Variants in CACNA1C observed in about 807,000 individuals in gnomAD.
The protein encoded by CACNA1C is voltage-dependent L-type calcium channel subunit alpha-1C.
CACNA1C carries 30 observed loss-of-function variants against 229.0 expected under a neutral mutation model. That is an observed-to-expected ratio of 0.13 (90% CI 0.10 to 0.18). The LOEUF is 0.18. Among genes scored for constraint, CACNA1C ranks in the 10% least tolerant of loss-of-function variants. The pLI, the probability that CACNA1C is intolerant of heterozygous loss-of-function variation, is 1.00. For synonymous variants in CACNA1C, 1,114 were observed against 1,132.5 expected (o/e 0.98, Z 0.33); for missense variants, 1,658 against 2,845.0 (o/e 0.58, Z 9.49).
intron 10 of CACNA1C, among the ~76,000 whole-genome samples, chr12:2,554,425 G>A (rs1298419964): frequency 6.6e-6 from 1 of 152,170 alleles, no homozygotes; most frequent in Non-Finnish European, 1.5e-5. Context: ...GTGCCTCATT[G>A]GAACAACAAC....
chr12:2,494,814 G>A (rs775536884), intron 7 of CACNA1C, among the ~76,000 whole-genome samples: 13 of 152,204 alleles, frequency 8.5e-5, no homozygotes, highest in Non-Finnish European at 1.5e-4. Context: ...CCCCAGTGTT[G>A]CTATGACATG....
intron 3 of CACNA1C, among the ~76,000 whole-genome samples, chr12:2,379,031 T>G (rs2098160384): frequency 2.0e-5 from 3 of 152,228 alleles, no homozygotes. Flanking sequence ...TACTGTTTTC[T>G]TTTTGTTGTT....
chr12:2,126,194 A>G (rs967294032), intron 3 of CACNA1C, among the ~76,000 whole-genome samples: 1 of 152,184 alleles, frequency 6.6e-6, no homozygotes, highest in Non-Finnish European at 1.5e-5. Flanking sequence ...TCTAACATAC[A>G]CTTTTGCACC....
chr12:2,160,807 C>A lies in CACNA1C; in HGVS notation c.477+40377C>A, dbSNP rs191761395. ...AGAGTATCGATTTGGTATGGTAGCT[C>A]TGGTTATTTTTTATTTTATTATTAT... On this transcript the variant is annotated intron_variant, in intron 3 of 46. Coordinates refer to ENST00000399655, the MANE Select transcript of CACNA1C (RefSeq NM_000719.7). Among the ~76,000 whole-genome samples, 395 of 152,218 alleles carry A rather than the reference C, an allele frequency of 2.6e-3. 2 individuals carry two copies. The highest frequency in any genetic ancestry group is 8.4e-3 in the African/African-American group (349 of 41,530).
chr12:2,662,755 T>G (rs112303855), intron 34 of CACNA1C, among the ~76,000 whole-genome samples: 3,144 of 152,320 alleles, frequency 0.021, 93 homozygotes, highest in African/African-American at 0.071. Flanking sequence ...CAACTTACTA[T>G]GCAGACAACA....
In CACNA1C at chr12:2,651,551, A is replaced by G. The variant is rs904769561; in HGVS notation, c.3946-89A>G. 2.9e-5 allele frequency: 47 copies of G among 1,604,156 alleles called. No homozygotes were observed. The highest frequency in any genetic ancestry group is 4.0e-5 in the Non-Finnish European group (47 of 1,173,162). ...CCCTGGCCTGCCTTCCGCCACTGCC[A>G]CTGAGGTCTGTATTTCTCGGAGGGG... On this transcript the variant is annotated intron_variant, in intron 31 of 46. Transcript: ENST00000399655. This position sits in a 1 kb window ranked among gnomAD's most constrained non-coding sequence, Gnocchi z 5.4.
At chr12:2,545,236 C>T (rs2099879008) in intron 9 of CACNA1C, among the ~76,000 whole-genome samples, 1 of 125,294 alleles carries the variant, frequency 8.0e-6, no homozygotes, top group Non-Finnish European at 1.6e-5. Flanking sequence ...TTTTGCTCAG[C>T]TCATGAGGCA....
intron 5 of CACNA1C, among the ~76,000 whole-genome samples, chr12:2,470,169 A>G (rs2099582947): frequency 6.6e-6 from 1 of 152,214 alleles, no homozygotes; most frequent in African/African-American, 2.4e-5. Flanking sequence ...AGTAGGTCCT[A>G]AAATAAGAGC....
intron 1 of CACNA1C, among the ~76,000 whole-genome samples, chr12:2,104,941 T>C (rs900981488): frequency 2.6e-5 from 4 of 152,214 alleles, no homozygotes; most frequent in Non-Finnish European, 5.9e-5. Context: ...TGTGTGTCTG[T>C]CAGTTTGTTT....
At chr12:2,092,674 G>T (rs985438697) in intron 1 of CACNA1C, among the ~76,000 whole-genome samples, 6 of 152,160 alleles carry the variant, frequency 3.9e-5, no homozygotes, top group Non-Finnish European at 8.8e-5. Flanking sequence ...ACTCAAGGGA[G>T]AATGTTGACT....
rs968354485 is a variant in CACNA1C at position 2,652,661 on chromosome 12, T to C, written c.4074+893T>C. Among the ~76,000 whole-genome samples, 10 of 152,262 alleles carry C rather than the reference T, an allele frequency of 6.6e-5. No individual in the cohort carries two copies. The East Asian group carries it at 1.9e-3, about 30-fold the overall frequency. ...GGTGAGGAAAGATGCCCGTCCCCGC[T>C]CTGCCCCCAGCAGCCTCCTGCCAGG... On this transcript the variant is annotated intron_variant, in intron 32 of 46. Coordinates refer to ENST00000399655, the MANE Select transcript of CACNA1C (RefSeq NM_000719.7).
intron 1 of CACNA1C, among the ~76,000 whole-genome samples, chr12:2,044,450 G>A (rs9888368): frequency 0.22 from 33,250 of 152,042 alleles, 4,315 homozygotes; most frequent in African/African-American, 0.36. Context: ...GACCTCTCTA[G>A]CAGGGCGGTG....
intron 3 of CACNA1C, among the ~76,000 whole-genome samples, chr12:2,205,659 G>A (rs10848631): frequency 0.33 from 49,761 of 151,982 alleles, 8,841 homozygotes; most frequent in South Asian, 0.39. Context: ...CATCCTCTCC[G>A]GCTGAGTTTT....
At chr12:2,582,017 A>T (rs900641750) in intron 14 of CACNA1C, among the ~76,000 whole-genome samples, 2 of 151,726 alleles carry the variant, frequency 1.3e-5, no homozygotes, top group African/African-American at 2.4e-5. Flanking sequence ...GGGAAACAAT[A>T]TAAGTGGTTT....
intron 3 of CACNA1C, among the ~76,000 whole-genome samples, chr12:2,260,371 G>A (rs1406797411): frequency 6.6e-6 from 1 of 151,742 alleles, no homozygotes; most frequent in Non-Finnish European, 1.5e-5. Context: ...AGCTACCTGG[G>A]AGGTTGAGGT....
chr12:2,410,799 A>ATG lies in CACNA1C; in HGVS notation c.478-38166_478-38165dup, dbSNP rs138303615. Among the ~76,000 whole-genome samples, 36 of 137,560 alleles carry ATG rather than the reference A, an allele frequency of 2.6e-4. No homozygotes were observed. Among genetic ancestry groups the ATG allele is most frequent in the Non-Finnish European group, 5.0e-4 (32 of 64,170 alleles). 90.2% of individuals were successfully genotyped at this position (137,560 alleles called of 152,430 possible). A position where few individuals can be genotyped will look rare whatever the true frequency, so the allele number is the denominator to read the frequency against. On this transcript the variant is annotated intron_variant, in intron 3 of 46. Coordinates refer to ENST00000399655, the MANE Select transcript of CACNA1C (RefSeq NM_000719.7). This position sits in a 1 kb window ranked among gnomAD's most constrained non-coding sequence, Gnocchi z 5.3. The stretch of plus-strand genomic sequence containing the variant: ...CAGGATGGCTCCCCTGTGTGTGTAT[A>ATG]TGTGTGTGTGTGCGTGTGCATGTGC...
intron 1 of CACNA1C, among the ~76,000 whole-genome samples, chr12:2,018,941 A>T (rs2045898915): frequency 1.4e-5 from 2 of 144,210 alleles, no homozygotes; most frequent in South Asian, 2.2e-4. Flanking sequence ...AGGTTTTAAT[A>T]AAAAAAACAT....
intron 3 of CACNA1C, among the ~76,000 whole-genome samples, chr12:2,327,896 C>T (rs1329683537): frequency 6.6e-6 from 1 of 152,232 alleles, no homozygotes; most frequent in Non-Finnish European, 1.5e-5. Flanking sequence ...AACTGGACCT[C>T]AGTGGAAAAC....
intron 3 of CACNA1C, among the ~76,000 whole-genome samples, chr12:2,367,608 G>T (rs1436424949): frequency 1.3e-5 from 2 of 152,064 alleles, no homozygotes; most frequent in Admixed American, 6.5e-5. Context: ...AAGGCTAAAA[G>T]TTTAATTAAT....
Sources: gnomAD v4.1 joint callset for allele counts (sites outside exome capture counted in the v4.1 genomes callset) on GRCh38, gnomAD v4.1.1 for gene constraint, Gnocchi (gnomAD v3.1) non-coding constraint, MANE v1.5 for transcripts, NCBI Gene and HGNC (gene_info 2026-07-23, HGNC 2026-07-21) for gene names.